Variants in PID1 observed in about 807,000 individuals in gnomAD.
PID1 encodes the protein phosphotyrosine interaction domain containing 1, also known as PTB-containing, cubilin and LRP1-interacting protein.
In PID1, 10 loss-of-function variants were observed where a neutral mutation model predicts 19.1. The observed-to-expected ratio is 0.52, with a 90% CI of 0.32 to 0.89. PID1 has a LOEUF of 0.89. Ranked by LOEUF, PID1 falls within the 40% of genes least tolerant of loss-of-function variation. The pLI, the probability that PID1 is intolerant of heterozygous loss-of-function variation, is 0.03. For missense variants in PID1, 248 were observed against 285.3 expected (o/e 0.87, Z 0.94); for synonymous variants, 130 against 116.0 (o/e 1.12, Z -0.78).
At chr2:229,092,524 C>T (rs1266214129) in intron 2 of PID1, among the ~76,000 whole-genome samples, 1 of 152,156 alleles carries the variant, frequency 6.6e-6, no homozygotes, top group Non-Finnish European at 1.5e-5. Flanking sequence ...CATGATAGTC[C>T]AAGCTGAAAG....
intron 1 of PID1, among the ~76,000 whole-genome samples, chr2:229,202,256 G>T (rs899104095): frequency 5.3e-5 from 8 of 152,028 alleles, no homozygotes; most frequent in Non-Finnish European, 7.4e-5. Flanking sequence ...TCTGCAAAAT[G>T]TCCTCATTAT....
At position 229,139,158 on chromosome 2, in the gene PID1, CG is replaced by C. The variant is rs1423699467; in HGVS notation, c.177+16659del. On this transcript the variant is annotated intron_variant, in intron 2 of 2. Transcript: ENST00000392055. ...GAAAGAAAGAAAGAAAGCAAGCGAG[CG>C]AGCAAGCGAGCTTCCCTTGACCAAA... is the stretch of plus-strand genomic sequence containing the variant. 4.1e-3 allele frequency among the ~76,000 whole-genome samples: 529 copies of C among 127,738 alleles called. 44 individuals are homozygous for C. The highest frequency in any genetic ancestry group is 0.014 in the African/African-American group (453 of 33,004). 83.8% of individuals were successfully genotyped at this position (127,738 alleles called of 152,430 possible). A position where few individuals can be genotyped will look rare whatever the true frequency, so the allele number is the denominator to read the frequency against.
chr2:229,122,954 G>C (rs778187447), intron 2 of PID1, among the ~76,000 whole-genome samples: 6 of 151,942 alleles, frequency 3.9e-5, no homozygotes, highest in Non-Finnish European at 7.4e-5. Flanking sequence ...ATTATGTTTC[G>C]GTACTGGAGC....
chr2:229,218,843 TTTA>T (rs1436902829), intron 1 of PID1, among the ~76,000 whole-genome samples: 4 of 152,146 alleles, frequency 2.6e-5, no homozygotes, highest in African/African-American at 9.7e-5. Context: ...CTCTGCCCAA[TTTA>T]TTGATTTACT....
At chr2:229,160,092 A>C (rs1000677604) in intron 1 of PID1, among the ~76,000 whole-genome samples, 1 of 152,210 alleles carries the variant, frequency 6.6e-6, no homozygotes, top group Non-Finnish European at 1.5e-5. Flanking sequence ...TCTACAAGAC[A>C]TTCATAAAAG....
At chr2:229,035,111 C>A (rs1693634428) in intron 2 of PID1, among the ~76,000 whole-genome samples, 2 of 152,084 alleles carry the variant, frequency 1.3e-5, no homozygotes, top group South Asian at 4.1e-4. Context: ...GGCATGGTGC[C>A]CACTCTTAGG....
chr2:229,216,988 T>C (rs1691862348), intron 1 of PID1, among the ~76,000 whole-genome samples: 1 of 152,246 alleles, frequency 6.6e-6, no homozygotes, highest in Non-Finnish European at 1.5e-5. Flanking sequence ...CACAGTGAAA[T>C]GTACACATCT....
At chr2:229,212,220 A>C (rs1441799595) in intron 1 of PID1, among the ~76,000 whole-genome samples, 1 of 152,188 alleles carries the variant, frequency 6.6e-6, no homozygotes, top group African/African-American at 2.4e-5. Flanking sequence ...TTAAAATACA[A>C]TTTTCCTCAA....
chr2:229,239,328 T>G (rs1681817085), intron 1 of PID1, among the ~76,000 whole-genome samples: 1 of 152,064 alleles, frequency 6.6e-6, no homozygotes, highest in Admixed American at 6.5e-5. Flanking sequence ...GTTGGAAGCC[T>G]TTGGTTGAGA....
chr2:229,131,391 T>C (rs528664596), intron 2 of PID1, among the ~76,000 whole-genome samples: 1 of 151,956 alleles, frequency 6.6e-6, no homozygotes, highest in Admixed American at 6.6e-5. Context: ...CCACCACACC[T>C]GGCTAATTTT....
chr2:229,047,503 T>C (rs1434387349), intron 2 of PID1, among the ~76,000 whole-genome samples: 2 of 152,212 alleles, frequency 1.3e-5, no homozygotes, highest in African/African-American at 2.4e-5. Context: ...GAGAGTTTTA[T>C]GTCACCAGGT....
At chr2:229,127,877 G>GTC (rs1051076360) in intron 2 of PID1, among the ~76,000 whole-genome samples, 1 of 152,074 alleles carries the variant, frequency 6.6e-6, no homozygotes. Flanking sequence ...CTGTCTGTCT[G>GTC]TCTCTCTCTC....
chr2:229,120,943 C>T (rs1336221747), intron 2 of PID1, among the ~76,000 whole-genome samples: 4 of 152,012 alleles, frequency 2.6e-5, no homozygotes, highest in Non-Finnish European at 5.9e-5. Flanking sequence ...GGGTCTACTC[C>T]TCCTTTGACC....
In PID1 at chr2:229,112,281, T is replaced by C. The variant is rs571656235; in HGVS notation, c.177+43537A>G. ...AGGAAGAATTATTTTTAAGTTTTGATTCTATTGGCTATTTTTTCTAGTTTC... is the reference window on the plus strand; with the variant it reads ...AGGAAGAATTATTTTTAAGTTTTGACTCTATTGGCTATTTTTTCTAGTTTC... On this transcript the variant is annotated intron_variant, in intron 2 of 2. Coordinates refer to ENST00000392055, the MANE Select transcript of PID1 (RefSeq NM_001100818.2). Among the ~76,000 whole-genome samples, 64 of 152,318 alleles carry C rather than the reference T, an allele frequency of 4.2e-4. 1 individual carries two copies. The Middle Eastern group carries it at 0.01, about 24-fold the overall frequency.
chr2:229,232,786 T>C (rs1007056649), intron 1 of PID1, among the ~76,000 whole-genome samples: 1 of 37,474 alleles, frequency 2.7e-5, no homozygotes, highest in Non-Finnish European at 4.7e-5. Context: ...CACACACACA[T>C]AAATATATAT....
intron 2 of PID1, among the ~76,000 whole-genome samples, chr2:229,112,842 G>T (rs146220999): frequency 6.6e-6 from 1 of 152,198 alleles, no homozygotes; most frequent in Non-Finnish European, 1.5e-5. Flanking sequence ...CCCTACACCT[G>T]ATGGGGAATG....
At chr2:229,216,911 A>G (rs1440423756) in intron 1 of PID1, among the ~76,000 whole-genome samples, 1 of 152,234 alleles carries the variant, frequency 6.6e-6, no homozygotes, top group Admixed American at 6.5e-5. Flanking sequence ...GCAAAGGAGA[A>G]GGAAGATTTC....
At chr2:229,174,960 G>A (rs1640215429) in intron 1 of PID1, among the ~76,000 whole-genome samples, 1 of 152,086 alleles carries the variant, frequency 6.6e-6, no homozygotes, top group African/African-American at 2.4e-5. Flanking sequence ...ACTAAGCCTT[G>A]GCATCCAGCC....
chr2:229,057,220 T>G (rs1362366812), intron 2 of PID1, among the ~76,000 whole-genome samples: 1 of 152,126 alleles, frequency 6.6e-6, no homozygotes, highest in African/African-American at 2.4e-5. Flanking sequence ...GGCAGATTAC[T>G]TGAGGTCAGG....
Sources: gnomAD v4.1 joint callset for allele counts (sites outside exome capture counted in the v4.1 genomes callset) on GRCh38, gnomAD v4.1.1 for gene constraint, MANE v1.5 for transcripts, NCBI Gene and HGNC (gene_info 2026-07-23, HGNC 2026-07-21) for gene names.